TNRC6A: variants seen among roughly 807,000 people sequenced by gnomAD.
TNRC6A encodes trinucleotide repeat-containing gene 6A protein.
A neutral mutation model predicts 221.2 loss-of-function variants in TNRC6A; 44 were observed. The observed-to-expected ratio is 0.20, with a 90% CI of 0.16 to 0.26. TNRC6A has a LOEUF of 0.26. TNRC6A is among the 10% of genes least tolerant of loss of function. The pLI, the probability that TNRC6A is intolerant of heterozygous loss-of-function variation, is 1.00. For missense variants in TNRC6A, 2,199 were observed against 2,404.4 expected (o/e 0.91, Z 1.79); for synonymous variants, 847 against 838.5 (o/e 1.01, Z -0.18).
chr16:24,671,481 AT>A (rs1456529423), intron 2 of TNRC6A, among the ~76,000 whole-genome samples: 1 of 152,200 alleles, frequency 6.6e-6, no homozygotes, highest in African/African-American at 2.4e-5. Flanking sequence ...GCAATGGCTC[AT>A]TTATTCAGCA....
At chr16:24,713,608 A>G (rs1429831985) in intron 2 of TNRC6A, among the ~76,000 whole-genome samples, 2 of 151,826 alleles carry the variant, frequency 1.3e-5, no homozygotes, top group African/African-American at 4.8e-5. Flanking sequence ...GCTACTTTTA[A>G]GATTTTCTCT....
chr16:24,753,358 C>T (rs1410400314), intron 3 of TNRC6A, among the ~76,000 whole-genome samples: 2 of 152,164 alleles, frequency 1.3e-5, no homozygotes, highest in Non-Finnish European at 2.9e-5. Flanking sequence ...CTGTGTGTCT[C>T]ATAGACACAT....
At chr16:24,724,503 T>C (rs564218390) in intron 2 of TNRC6A, among the ~76,000 whole-genome samples, 4 of 152,304 alleles carry the variant, frequency 2.6e-5, no homozygotes, top group Non-Finnish European at 5.9e-5. Context: ...CCCAGCACTT[T>C]GGGAGGCCGA....
At chr16:24,817,553 A>G (rs1262486636) in intron 20 of TNRC6A, among the ~76,000 whole-genome samples, 1 of 152,206 alleles carries the variant, frequency 6.6e-6, no homozygotes, top group Non-Finnish European at 1.5e-5. Flanking sequence ...TTGGTTAGCA[A>G]ATAAAATCCG....
rs750404765 is a variant in TNRC6A at position 24,815,215 on chromosome 16, A to G, written c.4741A>G (p.Thr1581Ala). The change falls in exon 19 of 25, where the codon ACT (threonine) becomes GCT (alanine). Residue 1581 changes from threonine to alanine, a missense_variant. Physicochemically the swap from Thr to Ala is moderately conservative, Grantham distance 58. Coordinates refer to ENST00000395799, the MANE Select transcript of TNRC6A (RefSeq NM_014494.4). ...FVPYDFMNSS[T>A]SPASPPGSIG... ...TCCCTATGACTTTATGAACAGCAGT[A>G]CTTCACCAGCCAGTCCTCCAGGTTC... is the stretch of plus-strand genomic sequence containing the variant. 6.8e-6 allele frequency: 11 copies of G among 1,614,204 alleles called. No individual in the cohort carries two copies. The highest frequency in any genetic ancestry group is 9.3e-6 in the Non-Finnish European group (11 of 1,180,030).
chr16:24,739,250 T>A (rs146323566), intron 2 of TNRC6A, among the ~76,000 whole-genome samples: 1 of 152,304 alleles, frequency 6.6e-6, no homozygotes, highest in Non-Finnish European at 1.5e-5. Flanking sequence ...CTCATTATGG[T>A]TTTGATTTAC....
At chr16:24,722,735 A>G (rs2056431547) in intron 2 of TNRC6A, among the ~76,000 whole-genome samples, 1 of 152,144 alleles carries the variant, frequency 6.6e-6, no homozygotes, top group South Asian at 2.1e-4. Context: ...CTCTTAAATA[A>G]AGTGTGACTT....
At chr16:24,696,891 G>C (rs897304716) in intron 2 of TNRC6A, among the ~76,000 whole-genome samples, 1 of 151,980 alleles carries the variant, frequency 6.6e-6, no homozygotes, top group African/African-American at 2.4e-5. Flanking sequence ...CTTGGTCATG[G>C]ATGTGATGAC....
intron 3 of TNRC6A, among the ~76,000 whole-genome samples, chr16:24,753,126 T>TATA (rs902913128): frequency 2.6e-5 from 4 of 152,206 alleles, no homozygotes; most frequent in African/African-American, 9.6e-5. Context: ...AGGCAGCTTA[T>TATA]AAATAAGCCT....
At chr16:24,653,371 A>G (rs1304115152) in intron 2 of TNRC6A, among the ~76,000 whole-genome samples, 1 of 152,226 alleles carries the variant, frequency 6.6e-6, no homozygotes, top group African/African-American at 2.4e-5. Context: ...TTTCCAAGAG[A>G]CAAGCCTAAT....
chr16:24,823,405 C>T lies in TNRC6A; in HGVS notation c.5514-27C>T, dbSNP rs887057950. The T allele has an allele frequency of 1.9e-6, 3 of 1,583,534 alleles. No homozygotes were observed. Among genetic ancestry groups the T allele is most frequent in the East Asian group, 2.2e-5 (1 of 44,560 alleles). On this transcript the variant is annotated intron_variant, in intron 24 of 24. Transcript: ENST00000395799. The surrounding 1 kb of genome is among the most constrained non-coding windows in gnomAD (Gnocchi z 4.3). The stretch of plus-strand genomic sequence containing the variant: ...AAGCCCTCCTGGTGTGCTGTCCTCA[C>T]GTGTCCGCGGTGCCTCTCTCCTCTA...
chr16:24,777,242 T>C lies in TNRC6A; in HGVS notation c.473T>C (p.Ile158Thr), dbSNP rs367544720. The change falls in exon 5 of 25, where the codon ATA becomes ACA. Residue 158 changes from isoleucine to threonine, a missense_variant. Around this residue, in one of 8 missense-constraint regions of TNRC6A, gnomAD observed 1,405 missense variants for 1,400.2 expected, o/e 1.00. Coordinates refer to ENST00000395799, the MANE Select transcript of TNRC6A (RefSeq NM_014494.4). ...LLKRGQHFPV[I>T]AANLGSAVKV... The stretch of plus-strand genomic sequence containing the variant: ...AAGAGGGGTCAGCATTTTCCTGTTA[T>C]AGCAGCAAACCTTGGATCTGCTGTT... 18 of 1,614,218 alleles carry C rather than the reference T, an allele frequency of 1.1e-5. No homozygotes were observed. Among genetic ancestry groups the C allele is most frequent in the South Asian group, 8.8e-5 (8 of 91,086 alleles).
chr16:24,769,875 G>C (rs1241610903), intron 4 of TNRC6A, among the ~76,000 whole-genome samples: 1 of 152,180 alleles, frequency 6.6e-6, no homozygotes, highest in African/African-American at 2.4e-5. Flanking sequence ...GTCACTTTGT[G>C]TATGCTTGGC....
intron 20 of TNRC6A, among the ~76,000 whole-genome samples, chr16:24,818,178 T>G (rs992633623): frequency 2.6e-5 from 4 of 152,158 alleles, no homozygotes; most frequent in Non-Finnish European, 5.9e-5. Flanking sequence ...TGTTCACTAG[T>G]AGTGTCTGTG....
intron 2 of TNRC6A, among the ~76,000 whole-genome samples, chr16:24,738,744 G>C (rs2056827123): frequency 6.6e-6 from 1 of 152,192 alleles, no homozygotes; most frequent in Non-Finnish European, 1.5e-5. Flanking sequence ...ATATTGCTAT[G>C]AACATTCATG....
At chr16:24,687,555 A>T (rs2055651822) in intron 2 of TNRC6A, among the ~76,000 whole-genome samples, 1 of 152,190 alleles carries the variant, frequency 6.6e-6, no homozygotes, top group Non-Finnish European at 1.5e-5. Context: ...TTGGGAGGCC[A>T]AAGCAGGAGG....
intron 1 of TNRC6A, among the ~76,000 whole-genome samples, chr16:24,624,669 G>C (rs181645072): frequency 4.8e-4 from 73 of 152,038 alleles, no homozygotes; most frequent in East Asian, 2.9e-3. Flanking sequence ...TTTTTCTAGA[G>C]GTGGGAGCTT....
rs770336786 is a variant in TNRC6A at position 24,805,561 on chromosome 16, G to A, written c.4123-44G>A. 1.9e-6 allele frequency: 3 copies of A among 1,610,274 alleles called. No individual in the cohort carries two copies. In the South Asian group the frequency reaches 3.3e-5, roughly 18 times the overall value. On this transcript the variant is annotated intron_variant, in intron 14 of 24. Transcript: ENST00000395799. Reference sequence around the variant, plus strand: ...AACACACAGTACGTGTAGTTAGTGTGAGTTATTTTATCAAGATCATTAACT... The same window carrying A: ...AACACACAGTACGTGTAGTTAGTGTAAGTTATTTTATCAAGATCATTAACT...
chr16:24,742,366 A>C (rs1404841568), intron 2 of TNRC6A, among the ~76,000 whole-genome samples: 1 of 152,224 alleles, frequency 6.6e-6, no homozygotes, highest in Non-Finnish European at 1.5e-5. Flanking sequence ...ACTGCATGCT[A>C]TGCTGCCTAG....
Sources: allele counts gnomAD v4.1 joint callset (sites outside exome capture counted in the v4.1 genomes callset), GRCh38; gene constraint gnomAD v4.1.1; regional missense constraint gnomAD v4.1.1; non-coding constraint Gnocchi (gnomAD v3.1); transcripts MANE v1.5; gene names NCBI Gene and HGNC (gene_info 2026-07-23, HGNC 2026-07-21).